NSL1: variants seen among roughly 807,000 people sequenced by gnomAD.
NSL1 encodes NSL1 component of MIS12 kinetochore complex.
In NSL1, 11 loss-of-function variants were observed where a neutral mutation model predicts 25.4. The observed-to-expected ratio is 0.43, with a 90% CI of 0.27 to 0.72. The LOEUF (loss-of-function observed/expected upper bound fraction) is 0.72, where lower values mean the gene tolerates loss of function less well. NSL1 is among the 30% of genes least tolerant of loss of function. The pLI is 0.19. For synonymous variants in NSL1, 118 were observed against 120.6 expected (o/e 0.98, Z 0.14); for missense variants, 330 against 342.7 (o/e 0.96, Z 0.29).
intron 4 of NSL1, among the ~76,000 whole-genome samples, chr1:212,776,661 A>C (rs1388665479): frequency 1.3e-5 from 2 of 151,756 alleles, no homozygotes; most frequent in African/African-American, 4.8e-5. Flanking sequence ...GAGGAAAAAG[A>C]AAATTCACTC....
chr1:212,781,251 T>A (rs879570376), intron 4 of NSL1, among the ~76,000 whole-genome samples: 1 of 152,212 alleles, frequency 6.6e-6, no homozygotes, highest in Admixed American at 6.5e-5. Flanking sequence ...GGTCATTAAC[T>A]AAGTGTGTTT....
chr1:212,769,708 C>T lies in NSL1; in HGVS notation c.499+12664G>A, dbSNP rs181909170. The stretch of plus-strand genomic sequence containing the variant: ...CTCACTGGTAGAACAGACATACAAA[C>T]GAGAGAGAGAGAAAAAACTCAAATG... On this transcript the variant is annotated intron_variant, in intron 4 of 5. Coordinates refer to ENST00000366977, the MANE Select transcript of NSL1 (RefSeq NM_015471.4). Among the ~76,000 whole-genome samples, 21 of 151,782 alleles carry T rather than the reference C, an allele frequency of 1.4e-4. No individual in the cohort carries two copies. In the East Asian group the frequency reaches 2.9e-3, roughly 21 times the overall value.
chr1:212,781,089 TATGAAAATGCATA>T (rs1660713253), intron 4 of NSL1, among the ~76,000 whole-genome samples: 1 of 152,216 alleles, frequency 6.6e-6, no homozygotes, highest in African/African-American at 2.4e-5. Flanking sequence ...TTGTTAACAT[TATGAAAATGCATA>T]ATGAAAAAAC....
At chr1:212,746,271 A>G (rs143951193) in intron 4 of NSL1, among the ~76,000 whole-genome samples, 386 of 152,286 alleles carry the variant, frequency 2.5e-3, no homozygotes, top group Non-Finnish European at 4.5e-3. Context: ...ATGACAACAT[A>G]AAGGGGGAGA....
At chr1:212,743,214 G>A (rs1195085717) in intron 4 of NSL1, among the ~76,000 whole-genome samples, 2 of 151,748 alleles carry the variant, frequency 1.3e-5, no homozygotes, top group Non-Finnish European at 2.9e-5. Context: ...CGCCAGCAGC[G>A]AGTGCAGTGG....
chr1:212,749,339 G>GTTTTTTTTTT (rs10717383), intron 4 of NSL1, among the ~76,000 whole-genome samples: 49 of 76,910 alleles, frequency 6.4e-4, no homozygotes, highest in Non-Finnish European at 9.2e-4. Flanking sequence ...GTTTTATTGT[G>GTTTTTTTTTT]TTTTTTTTTT....
intron 4 of NSL1, among the ~76,000 whole-genome samples, chr1:212,756,798 C>T (rs553854160): frequency 6.6e-6 from 1 of 151,616 alleles, no homozygotes; most frequent in East Asian, 1.9e-4. Flanking sequence ...CCAGCCTGGG[C>T]GACAGAGCAA....
intron 4 of NSL1, among the ~76,000 whole-genome samples, chr1:212,762,110 C>T (rs1003832699): frequency 4.0e-5 from 6 of 151,564 alleles, no homozygotes; most frequent in Non-Finnish European, 7.4e-5. Context: ...CTAGCCTGGA[C>T]AACATGGTGA....
chr1:212,779,237 GTGGGGTCAGCCCCCCTCCC>G, intron 4 of NSL1, among the ~76,000 whole-genome samples: 1 of 132,818 alleles, frequency 7.5e-6, no homozygotes, highest in East Asian at 2.2e-4. Flanking sequence ...GAGGTGGGGG[GTGGGGTCAGCCCCCCTCCC>G]GGCCAGCCGC....
chr1:212,777,588 C>T (rs889930746), intron 4 of NSL1, among the ~76,000 whole-genome samples: 1 of 152,022 alleles, frequency 6.6e-6, no homozygotes, highest in Admixed American at 6.5e-5. Flanking sequence ...AAACTTAAAT[C>T]CCATACATTG....
chr1:212,738,351 C>A lies in NSL1; in HGVS notation c.*57G>T. On this transcript the variant is annotated 3_prime_UTR_variant, in exon 6 of 6. Transcript: ENST00000366977. ...AAGTCTTATCTAGGTATTAATTAGG[C>A]TGTAATCTAAATGTTGATGGTGCCT... 6.4e-7 allele frequency: 1 copy of A among 1,550,398 alleles called. No individual in the cohort carries two copies. Among genetic ancestry groups the A allele is most frequent in the Admixed American group, 2.0e-5 (1 of 48,994 alleles).
chr1:212,734,711 C>T lies in NSL1; in HGVS notation c.*3697G>A, dbSNP rs887624997. 2.0e-5 allele frequency among the ~76,000 whole-genome samples: 3 copies of T among 152,052 alleles called. No individual in the cohort carries two copies. The highest frequency in any genetic ancestry group is 7.2e-5 in the African/African-American group (3 of 41,388). On this transcript the variant is annotated 3_prime_UTR_variant, in exon 6 of 6. Coordinates refer to ENST00000366977, the MANE Select transcript of NSL1 (RefSeq NM_015471.4). ...TATAACAGTAATTTGTTCTTTATTC[C>T]TGTATTCCTTCCCTGATTATTTGCC...
At chr1:212,781,896 GA>G in intron 4 of NSL1, 1 of 293,578 alleles carries the variant, frequency 3.4e-6, no homozygotes. Context: ...CATATAAATG[GA>G]AACAAAACTG....
chr1:212,739,257 T>C lies in NSL1; in HGVS notation c.567+277A>G, dbSNP rs1571863589. Among the ~76,000 whole-genome samples, 4 of 152,318 alleles carry C rather than the reference T, an allele frequency of 2.6e-5. No individual in the cohort carries two copies. In the East Asian group the frequency reaches 5.8e-4, roughly 22 times the overall value. On this transcript the variant is annotated intron_variant, in intron 5 of 5. Transcript: ENST00000366977. ...TTATTCAATACATTTTAGCTGGTAT[T>C]ATTATCCAAAACTGTTCGGTGAACT...
At chr1:212,767,790 G>A (rs1659889784) in intron 4 of NSL1, among the ~76,000 whole-genome samples, 1 of 152,028 alleles carries the variant, frequency 6.6e-6, no homozygotes, top group African/African-American at 2.4e-5. Flanking sequence ...CAAATAAGAT[G>A]TACAAACAGC....
rs1657943312 is a variant in NSL1 at position 212,729,950 on chromosome 1, T to C, written c.*8458A>G. 1 of 985,050 alleles carries C rather than the reference T, an allele frequency of 1.0e-6. No individual in the cohort carries two copies. The highest frequency in any genetic ancestry group is 1.2e-6 in the Non-Finnish European group (1 of 829,852). The allele number at this position is 985,050 out of a possible 1,614,324, so 61.0% of individuals were successfully genotyped here. ...GGAACTAAACCTCCGGAAGGATTTT[T>C]TTTTTTAAGAATGAAATGGGCCGGG... On this transcript the variant is annotated 3_prime_UTR_variant, in exon 6 of 6. Coordinates refer to ENST00000366977, the MANE Select transcript of NSL1 (RefSeq NM_015471.4).
rs1658235492 is a variant in NSL1 at position 212,736,430 on chromosome 1, T to C, written c.*1978A>G. 2 of 985,138 alleles carry C rather than the reference T, an allele frequency of 2.0e-6. No individual in the cohort carries two copies. Among genetic ancestry groups the C allele is most frequent in the African/African-American group, 1.7e-5 (1 of 57,246 alleles). The allele number at this position is 985,138 out of a possible 1,614,324, so 61.0% of individuals were successfully genotyped here. A position where few individuals can be genotyped will look rare whatever the true frequency, so the allele number is the denominator to read the frequency against. ...TTTTCCTTCAACCTTTCCAATTCCT[T>C]AAAACTACAGACTTTCTTGCTTTTA... On this transcript the variant is annotated 3_prime_UTR_variant, in exon 6 of 6. Coordinates refer to ENST00000366977, the MANE Select transcript of NSL1 (RefSeq NM_015471.4).
rs1657974623 is a variant in NSL1 at position 212,730,536 on chromosome 1, A to G, written c.*7872T>C. 1 of 985,258 alleles carries G rather than the reference A, an allele frequency of 1.0e-6. No homozygotes were observed. Among genetic ancestry groups the G allele is most frequent in the Non-Finnish European group, 1.2e-6 (1 of 829,928 alleles). The allele number at this position is 985,258 out of a possible 1,614,324, so 61.0% of individuals were successfully genotyped here. A position where few individuals can be genotyped will look rare whatever the true frequency, so the allele number is the denominator to read the frequency against. ...GCCCAATCTTTTACACAGGCACAGG[A>G]GTCAGCTGGAGCAGAAGACCTGCAG... On this transcript the variant is annotated 3_prime_UTR_variant, in exon 6 of 6. Transcript: ENST00000366977.
At position 212,731,759 on chromosome 1, in the gene NSL1, C is replaced by T; in HGVS notation, c.*6649G>A. ...TGGTGGGTGAAGATTTCACTCCCCACTGCCATGTCAAAGCTGGTGTTCAGA... is the reference window on the plus strand; with the variant it reads ...TGGTGGGTGAAGATTTCACTCCCCATTGCCATGTCAAAGCTGGTGTTCAGA... On this transcript the variant is annotated 3_prime_UTR_variant, in exon 6 of 6. Coordinates refer to ENST00000366977, the MANE Select transcript of NSL1 (RefSeq NM_015471.4). 1 of 985,430 alleles carries T rather than the reference C, an allele frequency of 1.0e-6. No homozygotes were observed. Among genetic ancestry groups the T allele is most frequent in the Non-Finnish European group, 1.2e-6 (1 of 829,902 alleles). 61.0% of individuals were successfully genotyped at this position (985,430 alleles called of 1,614,324 possible). A position where few individuals can be genotyped will look rare whatever the true frequency, so the allele number is the denominator to read the frequency against.
Sources: allele counts gnomAD v4.1 joint callset (sites outside exome capture counted in the v4.1 genomes callset), GRCh38; gene constraint gnomAD v4.1.1; transcripts MANE v1.5; gene names NCBI Gene and HGNC (gene_info 2026-07-23, HGNC 2026-07-21).